Variants in RFT1 observed in about 807,000 individuals in gnomAD.
RFT1 encodes the protein man(5)GlcNAc(2)-PP-dolichol translocation protein RFT1.
RFT1 carries 43 observed loss-of-function variants against 62.2 expected under a neutral mutation model. The ratio of observed to expected loss-of-function variants is 0.69; its 90% CI spans 0.54 to 0.89. RFT1 has a LOEUF of 0.89. RFT1 is among the 40% of genes least tolerant of loss of function. The pLI, the probability that RFT1 is intolerant of heterozygous loss-of-function variation, is 0.00. For synonymous variants in RFT1, 262 were observed against 264.6 expected (o/e 0.99, Z 0.10); for missense variants, 605 against 649.9 (o/e 0.93, Z 0.75).
intron 7 of RFT1, among the ~76,000 whole-genome samples, chr3:53,110,210 T>A (rs1225691749): frequency 6.6e-6 from 1 of 152,180 alleles, no homozygotes; most frequent in Non-Finnish European, 1.5e-5. Context: ...AGGAAAAAAA[T>A]GCATATGAGC....
intron 7 of RFT1, among the ~76,000 whole-genome samples, chr3:53,108,703 G>GTT (rs755150404): frequency 1.5e-4 from 21 of 140,268 alleles, no homozygotes; most frequent in African/African-American, 2.9e-4. Context: ...TCTTTAAATG[G>GTT]TTTTTTTTTT....
intron 11 of RFT1, among the ~76,000 whole-genome samples, chr3:53,095,381 G>T (rs574021174): frequency 6.6e-6 from 1 of 152,054 alleles, no homozygotes; most frequent in South Asian, 2.1e-4. Flanking sequence ...ATTTCTCCAT[G>T]GTCCCAAGAA....
chr3:53,111,658 C>G (rs139013093), intron 7 of RFT1, among the ~76,000 whole-genome samples, 172 bp downstream of exon 7: 1 of 152,108 alleles, frequency 6.6e-6, no homozygotes, highest in Non-Finnish European at 1.5e-5. Flanking sequence ...AGTAAAGCAT[C>G]AAACTAAACA....
chr3:53,116,112 T>C lies in RFT1; in HGVS notation c.696+3772A>G, dbSNP rs576212076. Among the ~76,000 whole-genome samples, 3 of 152,306 alleles carry C rather than the reference T, an allele frequency of 2.0e-5. No individual in the cohort carries two copies. The East Asian group carries it at 5.8e-4, about 29-fold the overall frequency. On this transcript the variant is annotated intron_variant, in intron 6 of 12. Coordinates refer to ENST00000296292, the MANE Select transcript of RFT1 (RefSeq NM_052859.4). ...TAAGCATCTTTAAAGAAGATGGAAT[T>C]CTACAAGAACAGGAAGGGAAATCTT...
intron 2 of RFT1, 30 bp downstream of exon 2, chr3:53,125,879 C>CT (rs1702094236): frequency 1.3e-6 from 2 of 1,564,612 alleles, no homozygotes; most frequent in Admixed American, 1.7e-5. Flanking sequence ...AAGGTGAACT[C>CT]TGACAGTGCC....
intron 7 of RFT1, among the ~76,000 whole-genome samples, chr3:53,108,674 C>T (rs1161321491): frequency 6.6e-6 from 1 of 150,516 alleles, no homozygotes; most frequent in African/African-American, 2.4e-5. Flanking sequence ...TAAGCCAACA[C>T]ACCCAGCTTG....
intron 4 of RFT1, among the ~76,000 whole-genome samples, 164 bp from the exon 5 acceptor site, chr3:53,121,964 T>G (rs745313690): frequency 2.4e-4 from 36 of 152,142 alleles, no homozygotes; most frequent in Non-Finnish European, 4.1e-4. Flanking sequence ...GGTAGGGTGG[T>G]GGGTTCATGG....
At chr3:53,111,802 C>T (rs1232979188) in intron 7 of RFT1, 28 bp downstream of exon 7, 7 of 1,590,616 alleles carry the variant, frequency 4.4e-6, no homozygotes, top group Middle Eastern at 1.7e-4. Flanking sequence ...TATGGTCTCC[C>T]GACGATTCAG....
chr3:53,071,689 A>G, the RFT1 span, among the ~76,000 whole-genome samples: 1 of 152,212 alleles, frequency 6.6e-6, no homozygotes, highest in Non-Finnish European at 1.5e-5. Context: ...CTCATTCCCC[A>G]GTGGTTCCCA....
intron 1 of RFT1, among the ~76,000 whole-genome samples, chr3:53,128,298 G>T (rs540135289): frequency 6.6e-6 from 1 of 151,822 alleles, no homozygotes; most frequent in Admixed American, 6.6e-5. Context: ...ACTCCATCTC[G>T]AAAACAAAAA....
chr3:53,107,541 A>G (rs1338469717), intron 7 of RFT1, among the ~76,000 whole-genome samples: 1 of 151,896 alleles, frequency 6.6e-6, no homozygotes, highest in African/African-American at 2.4e-5. Flanking sequence ...AGCGTAAATT[A>G]TCTGTGAAGA....
chr3:53,106,519 G>A (rs1701479203), intron 8 of RFT1, among the ~76,000 whole-genome samples: 1 of 152,090 alleles, frequency 6.6e-6, no homozygotes, highest in African/African-American at 2.4e-5. Context: ...ACAAACATGG[G>A]GCAGATTTTT....
intron 5 of RFT1, among the ~76,000 whole-genome samples, chr3:53,120,417 T>C (rs1701937678): frequency 6.6e-6 from 1 of 152,218 alleles, no homozygotes; most frequent in Non-Finnish European, 1.5e-5. Flanking sequence ...ATCCAAGGAC[T>C]TGCCGTCATC....
chr3:53,105,329 G>A (rs1028179898), intron 9 of RFT1, among the ~76,000 whole-genome samples: 4 of 151,978 alleles, frequency 2.6e-5, no homozygotes, highest in South Asian at 2.1e-4. Flanking sequence ...CAGGAGAATC[G>A]TTTGAACCTG....
chr3:53,119,069 CT>C (rs1474659225), intron 6 of RFT1, among the ~76,000 whole-genome samples: 1 of 151,990 alleles, frequency 6.6e-6, no homozygotes, highest in Non-Finnish European at 1.5e-5. Flanking sequence ...TTTTAATTAG[CT>C]GGGCATGGTG....
chr3:53,095,338 T>A (rs1701110920), intron 11 of RFT1, among the ~76,000 whole-genome samples: 2 of 152,208 alleles, frequency 1.3e-5, no homozygotes, highest in Admixed American at 6.5e-5. Context: ...TAAGGTTTGG[T>A]TAACATAAAC....
At chr3:53,111,956 T>C (rs779841823) in intron 6 of RFT1, 48 bp from the exon 7 acceptor site, 2 of 1,451,052 alleles carry the variant, frequency 1.4e-6, no homozygotes, top group South Asian at 1.1e-5. Flanking sequence ...GCGTTGCAAG[T>C]CTAAGAATGC....
At position 53,105,627 on chromosome 3, in the gene RFT1, T is replaced by C. The variant is rs766631068; in HGVS notation, c.957+46A>G. On this transcript the variant is annotated intron_variant, in intron 9 of 12. Coordinates refer to ENST00000296292, the MANE Select transcript of RFT1 (RefSeq NM_052859.4). The stretch of plus-strand genomic sequence containing the variant: ...CTTCACACTCCTGTCTGTCTTGCAA[T>C]TAAAGGGAGAATTCACTTGAGAGAT... The C allele has an allele frequency of 4.4e-5, 70 of 1,606,420 alleles. 1 individual carries two copies. The South Asian group carries it at 7.6e-4, about 17-fold the overall frequency.
rs755680371 is a variant in RFT1, at chr3:53,105,681, G to A, written c.949C>T (p.Gln317Ter). 6 of 1,613,582 alleles carry A rather than the reference G, an allele frequency of 3.7e-6. No homozygotes were observed. The Admixed American group carries it at 5.0e-5, about 13-fold the overall frequency. ...VLERGKDATL[Q>*]KQEDVAVAAA... is the part of the protein sequence containing the mutation. ...ATAAGAACCAACATTACCTGCTTCTGAAGTGTGGCATCCTTTCCCCTCTCC... is the reference window on the plus strand; with the variant it reads ...ATAAGAACCAACATTACCTGCTTCTAAAGTGTGGCATCCTTTCCCCTCTCC... The change falls in exon 9 of 13, where the codon CAG (glutamine) becomes TAG (stop). Residue 317 changes from glutamine (Q) to a stop codon, truncating the protein, a stop_gained. Coordinates refer to ENST00000296292, the MANE Select transcript of RFT1 (RefSeq NM_052859.4). LOFTEE classifies it high-confidence loss of function.
Sources: gnomAD v4.1 joint callset for allele counts (sites outside exome capture counted in the v4.1 genomes callset) on GRCh38, gnomAD v4.1.1 for gene constraint, MANE v1.5 for transcripts, NCBI Gene and HGNC (gene_info 2026-07-23, HGNC 2026-07-21) for gene names.